The following ARHGAP42 variants were observed in gnomAD, a reference collection of about 807,000 sequenced individuals.
ARHGAP42 encodes rho GTPase-activating protein 42.
A neutral mutation model predicts 125.0 loss-of-function variants in ARHGAP42; 63 were observed. The observed-to-expected ratio is 0.50, with a 90% confidence interval of 0.41 to 0.62. ARHGAP42 has a LOEUF of 0.62. Ranked by LOEUF, ARHGAP42 falls within the 20% of genes least tolerant of loss-of-function variation. The pLI, the probability that ARHGAP42 is intolerant of heterozygous loss-of-function variation, is 0.00. For missense variants in ARHGAP42, 766 were observed against 1,024.2 expected (o/e 0.75, Z 3.44); for synonymous variants, 339 against 351.0 (o/e 0.97, Z 0.38).
intron 3 of ARHGAP42, among the ~76,000 whole-genome samples, chr11:100,850,967 C>T (rs1162206759): frequency 6.6e-6 from 1 of 150,814 alleles, no homozygotes; most frequent in African/African-American, 2.4e-5. Context: ...CAGCAACCTC[C>T]GCCACCCAGG....
chr11:100,964,934 T>G (rs530309036), intron 16 of ARHGAP42, among the ~76,000 whole-genome samples: 2 of 152,252 alleles, frequency 1.3e-5, no homozygotes, highest in South Asian at 4.1e-4. Flanking sequence ...CACACTGCTA[T>G]GAAGAAATAT....
At chr11:100,896,626 A>C (rs536932785) in intron 4 of ARHGAP42, among the ~76,000 whole-genome samples, 3 of 152,328 alleles carry the variant, frequency 2.0e-5, no homozygotes, top group East Asian at 3.9e-4. Flanking sequence ...TGTTGGCTGC[A>C]TAAATGTCTT....
intron 4 of ARHGAP42, among the ~76,000 whole-genome samples, chr11:100,901,941 A>C (rs562633215): frequency 6.6e-6 from 1 of 152,206 alleles, no homozygotes; most frequent in African/African-American, 2.4e-5. Flanking sequence ...ATCAGTCCCA[A>C]TGAGATGAAC....
chr11:100,770,965 A>G (rs1862963415), intron 2 of ARHGAP42, among the ~76,000 whole-genome samples: 1 of 152,224 alleles, frequency 6.6e-6, no homozygotes, highest in African/African-American at 2.4e-5. Flanking sequence ...TAATCATTCT[A>G]TAACTCAGGT....
In ARHGAP42 at chr11:100,983,731, C is replaced by T. The variant is rs184038382; in HGVS notation, c.2457-3782C>T. The stretch of plus-strand genomic sequence containing the variant: ...ACAAGCAGCTTTAACTCTACAGGCT[C>T]AGGTGGAAGTTTTTAGCATTGAGGC... On this transcript the variant is annotated intron_variant, in intron 22 of 23. Coordinates refer to ENST00000298815, the MANE Select transcript of ARHGAP42 (RefSeq NM_152432.4). Among the ~76,000 whole-genome samples, 257 of 152,224 alleles carry T rather than the reference C, an allele frequency of 1.7e-3. 1 individual carries two copies. The highest frequency in any genetic ancestry group is 5.9e-3 in the African/African-American group (246 of 41,530).
chr11:100,756,873 G>A lies in ARHGAP42; in HGVS notation c.155-13470G>A, dbSNP rs1197151783. On this transcript the variant is annotated intron_variant, in intron 1 of 23. Coordinates refer to ENST00000298815, the MANE Select transcript of ARHGAP42 (RefSeq NM_152432.4). ...GTTAATGGCTCAAATAAACAGCATA[G>A]CATTTTAGGTGAATGAGTTTTACTT... Among the ~76,000 whole-genome samples the A allele has an allele frequency of 2.6e-5, 4 of 152,164 alleles. No homozygotes were observed. The East Asian group carries it at 7.7e-4, about 29-fold the overall frequency.
intron 4 of ARHGAP42, among the ~76,000 whole-genome samples, chr11:100,897,322 G>A (rs1866390108): frequency 6.6e-6 from 1 of 152,194 alleles, no homozygotes; most frequent in Non-Finnish European, 1.5e-5. Flanking sequence ...TGGCAATGCT[G>A]TCTCTTTCTT....
chr11:100,737,035 A>G (rs918433603), intron 1 of ARHGAP42, among the ~76,000 whole-genome samples: 4 of 152,316 alleles, frequency 2.6e-5, no homozygotes, highest in Admixed American at 6.5e-5. Context: ...AAAAGAAGGA[A>G]AAAAGGAAGA....
chr11:100,742,720 G>A (rs1016540725), intron 1 of ARHGAP42, among the ~76,000 whole-genome samples: 1 of 152,094 alleles, frequency 6.6e-6, no homozygotes, highest in Non-Finnish European at 1.5e-5. Context: ...ACTGGGACTA[G>A]TAGTAAATAT....
chr11:100,837,666 C>CTTTT lies in ARHGAP42; in HGVS notation c.313-21860_313-21857dup, dbSNP rs373059302. ...CAGTTCCCAGAATCTAGGTGTCATC[C>CTTTT]TTTTTTTTTTTTTTTTTTTTTTTTT... On this transcript the variant is annotated intron_variant, in intron 3 of 23. Transcript: ENST00000298815. Among the ~76,000 whole-genome samples, 166 of 60,958 alleles carry CTTTT rather than the reference C, an allele frequency of 2.7e-3. 19 individuals are homozygous for CTTTT. Among genetic ancestry groups the CTTTT allele is most frequent in the African/African-American group, 5.9e-3 (84 of 14,136 alleles). The allele number at this position is 60,958 out of a possible 152,430, so 40.0% of individuals were successfully genotyped here. A position where few individuals can be genotyped will look rare whatever the true frequency, so the allele number is the denominator to read the frequency against.
chr11:100,832,729 A>G (rs1175160908), intron 3 of ARHGAP42, among the ~76,000 whole-genome samples: 2 of 152,184 alleles, frequency 1.3e-5, no homozygotes, highest in African/African-American at 4.8e-5. Context: ...CTCCTAAGTT[A>G]CTGCTATCTT....
intron 4 of ARHGAP42, among the ~76,000 whole-genome samples, chr11:100,908,593 A>C (rs1223152008): frequency 6.6e-6 from 1 of 152,168 alleles, no homozygotes; most frequent in Admixed American, 6.5e-5. Flanking sequence ...ATGGCTGAGT[A>C]GTAAGTATTC....
chr11:100,728,196 C>A (rs140893126), intron 1 of ARHGAP42, among the ~76,000 whole-genome samples: 2 of 152,132 alleles, frequency 1.3e-5, no homozygotes, highest in Non-Finnish European at 2.9e-5. Flanking sequence ...TTACTGAAAC[C>A]TCTCAACAGC....
rs531724834 is a variant in ARHGAP42 at position 100,824,938 on chromosome 11, G to T, written c.312+29772G>T. Among the ~76,000 whole-genome samples the T allele has an allele frequency of 2.6e-5, 4 of 152,286 alleles. No individual in the cohort carries two copies. In the South Asian group the frequency reaches 8.3e-4, roughly 32 times the overall value. On this transcript the variant is annotated intron_variant, in intron 3 of 23. Transcript: ENST00000298815. The stretch of plus-strand genomic sequence containing the variant: ...AAGCCTTAGCACATAGCACAGCTGG[G>T]CTGAATAATTGTTATGAGTGAATGT...
chr11:100,717,559 C>T (rs1310934485), intron 1 of ARHGAP42, among the ~76,000 whole-genome samples: 2 of 149,970 alleles, frequency 1.3e-5, no homozygotes, highest in Non-Finnish European at 3.0e-5. Flanking sequence ...ATGGCATGAA[C>T]CCGGGAGGTG....
intron 4 of ARHGAP42, among the ~76,000 whole-genome samples, chr11:100,865,230 C>G (rs1000257120): frequency 6.6e-6 from 1 of 152,074 alleles, no homozygotes; most frequent in Non-Finnish European, 1.5e-5. Context: ...TTTAAACATT[C>G]CTTATACATG....
At chr11:100,746,410 A>G (rs1398313500) in intron 1 of ARHGAP42, among the ~76,000 whole-genome samples, 18 of 152,202 alleles carry the variant, frequency 1.2e-4, no homozygotes, top group Admixed American at 1.2e-3. Context: ...CATGCAGCCC[A>G]CGCCCAGTTG....
intron 3 of ARHGAP42, among the ~76,000 whole-genome samples, chr11:100,806,072 A>C (rs762375278): frequency 1.3e-5 from 2 of 152,206 alleles, no homozygotes; most frequent in Admixed American, 1.3e-4. Context: ...CTGTGGTTCA[A>C]ATGCCTCTGA....
chr11:100,879,201 A>G (rs1456905933), intron 4 of ARHGAP42, among the ~76,000 whole-genome samples: 2 of 152,162 alleles, frequency 1.3e-5, no homozygotes, highest in Non-Finnish European at 2.9e-5. Flanking sequence ...AGTTGATTCA[A>G]ATGCATAATA....
Sources: allele counts gnomAD v4.1 joint callset (sites outside exome capture counted in the v4.1 genomes callset), GRCh38; gene constraint gnomAD v4.1.1; transcripts MANE v1.5; gene names NCBI Gene and HGNC (gene_info 2026-07-23, HGNC 2026-07-21).